NBEAL1: variants seen among roughly 807,000 people sequenced by gnomAD.
NBEAL1 encodes the protein neurobeachin-like protein 1.
Under a neutral mutation model 351.3 loss-of-function variants are expected in NBEAL1, and 273 were observed. That is an observed-to-expected ratio of 0.78 (90% confidence interval 0.70 to 0.86). NBEAL1 has a LOEUF of 0.86. Ranked by LOEUF, NBEAL1 falls within the 40% of genes least tolerant of loss-of-function variation. The pLI is 0.00. For missense variants in NBEAL1, 2,961 were observed against 3,201.3 expected (o/e 0.92, Z 1.81); for synonymous variants, 1,050 against 1,086.4 (o/e 0.97, Z 0.66).
intron 2 of NBEAL1, among the ~76,000 whole-genome samples, chr2:203,026,063 A>G (rs2060850843): frequency 1.3e-5 from 2 of 151,992 alleles, no homozygotes; most frequent in Non-Finnish European, 2.9e-5. Context: ...TTGTTTAGTT[A>G]TATTATCTTA....
chr2:203,053,327 A>G (rs1186863369), intron 4 of NBEAL1, among the ~76,000 whole-genome samples: 1 of 152,150 alleles, frequency 6.6e-6, no homozygotes, highest in Non-Finnish European at 1.5e-5. Flanking sequence ...ATGACAAAAG[A>G]TGTTCACCAT....
intron 45 of NBEAL1, among the ~76,000 whole-genome samples, chr2:203,190,003 G>A (rs929252552): frequency 6.6e-6 from 1 of 151,844 alleles, no homozygotes; most frequent in Non-Finnish European, 1.5e-5. Flanking sequence ...GGGCGTGGTG[G>A]CACGGACCTG....
chr2:203,106,046 A>G (rs956854351), intron 12 of NBEAL1, among the ~76,000 whole-genome samples: 1 of 152,124 alleles, frequency 6.6e-6, no homozygotes, highest in Non-Finnish European at 1.5e-5. Context: ...TGCTTCTTGT[A>G]TTCACTAACC....
At chr2:203,152,759 C>A (rs773209968) in intron 35 of NBEAL1, among the ~76,000 whole-genome samples, 1 of 151,936 alleles carries the variant, frequency 6.6e-6, no homozygotes, top group Non-Finnish European at 1.5e-5. Context: ...TCACTGGGCC[C>A]GGCACAGTGG....
At chr2:203,159,714 G>C (rs915571185) in intron 36 of NBEAL1, among the ~76,000 whole-genome samples, 45 of 152,072 alleles carry the variant, frequency 3.0e-4, no homozygotes, top group Admixed American at 7.9e-4. Flanking sequence ...ACAAGTTTTT[G>C]TGCAAACATA....
At chr2:203,060,530 A>G (rs1219545498) in intron 6 of NBEAL1, among the ~76,000 whole-genome samples, 1 of 152,198 alleles carries the variant, frequency 6.6e-6, no homozygotes, top group East Asian at 1.9e-4. Flanking sequence ...AATACATTTT[A>G]ATTCACCCAG....
At chr2:203,052,538 G>C (rs1479051470) in intron 4 of NBEAL1, 1 of 151,856 alleles carries the variant, frequency 6.6e-6, no homozygotes, top group Admixed American at 6.6e-5. Context: ...TGCATTTAAG[G>C]GTCCTCCATG....
At chr2:203,120,385 G>A (rs1458611222) in intron 18 of NBEAL1, among the ~76,000 whole-genome samples, 2 of 152,126 alleles carry the variant, frequency 1.3e-5, no homozygotes, top group African/African-American at 4.8e-5. Flanking sequence ...ATATTTCTTT[G>A]TTGGAATAAT....
At chr2:203,116,903 AC>A (rs1204426719) in intron 18 of NBEAL1, among the ~76,000 whole-genome samples, 2 of 151,796 alleles carry the variant, frequency 1.3e-5, no homozygotes, top group African/African-American at 4.8e-5. Context: ...GGAGTTCGAG[AC>A]CAACTTGGCC....
chr2:203,109,511 AAT>A, intron 14 of NBEAL1, among the ~76,000 whole-genome samples: 1 of 152,158 alleles, frequency 6.6e-6, no homozygotes, highest in East Asian at 1.9e-4. Flanking sequence ...ACTACTTTTT[AAT>A]ATGTCTTGTG....
intron 53 of NBEAL1, among the ~76,000 whole-genome samples, chr2:203,210,394 G>A (rs1207067974): frequency 2.0e-5 from 3 of 150,626 alleles, no homozygotes; most frequent in East Asian, 3.9e-4. Context: ...GGGCGCAGTG[G>A]CTCACGCCTG....
At chr2:203,172,651 T>G in intron 40 of NBEAL1, 78 bp from the exon 41 acceptor site, 1 of 1,282,096 alleles carries the variant, frequency 7.8e-7, no homozygotes, top group Non-Finnish European at 1.0e-6. Flanking sequence ...TGTCTTTAGA[T>G]AACCATTTGA....
chr2:203,124,805 T>G (rs1337842398), intron 19 of NBEAL1, among the ~76,000 whole-genome samples: 1 of 152,214 alleles, frequency 6.6e-6, no homozygotes, highest in Non-Finnish European at 1.5e-5. Flanking sequence ...TATCCTCATT[T>G]TACAGATGAA....
In NBEAL1 at chr2:203,144,801, T is replaced by C. The variant is rs775399888; in HGVS notation, c.5050T>C (p.Leu1684=). ...AATTTATGAGCTTCTCTTCATGAAC[T>C]TGCACCTACCTTCTTTACCTTTTAC... ...SKIYELLFMN[L]HLPSLPFTNG... The change falls in exon 32 of 56, where the codon TTG becomes CTG. Residue 1684 remains leucine (L), a synonymous_variant. Transcript: ENST00000683969. 3 of 1,614,090 alleles carry C rather than the reference T, an allele frequency of 1.9e-6. No homozygotes were observed. Among genetic ancestry groups the C allele is most frequent in the Non-Finnish European group, 8.5e-7 (1 of 1,179,956 alleles).
At chr2:203,106,791 G>A (rs1018968598) in intron 12 of NBEAL1, among the ~76,000 whole-genome samples, 1 of 152,078 alleles carries the variant, frequency 6.6e-6, no homozygotes, top group Non-Finnish European at 1.5e-5. Context: ...AGGTAATGGG[G>A]CACTTTAGTA....
rs1410441995 is a variant in NBEAL1 at position 203,126,555 on chromosome 2, AG to A, written c.2986del. 3.0e-5 allele frequency: 44 copies of A among 1,447,656 alleles called. No homozygotes were observed. The highest frequency in any genetic ancestry group is 3.8e-5 in the Non-Finnish European group (42 of 1,101,370). 89.7% of individuals were successfully genotyped at this position (1,447,656 alleles called of 1,614,324 possible). The stretch of plus-strand genomic sequence containing the variant: ...ATGAAACCCTCTTCTGTTTGGTTTC[AG>A]GTGCCAAGCACCTTGATGGATGTTA... On this transcript the variant is annotated splice_acceptor_variant, in intron 21 of 55. Coordinates refer to ENST00000683969, the MANE Select transcript of NBEAL1 (RefSeq NM_001378026.1). LOFTEE classifies it high-confidence loss of function.
chr2:203,052,960 A>T (rs1471664590), intron 4 of NBEAL1, among the ~76,000 whole-genome samples: 1 of 151,940 alleles, frequency 6.6e-6, no homozygotes, highest in South Asian at 2.1e-4. Context: ...GACATACCAC[A>T]GTTTGTTTAT....
intron 10 of NBEAL1, among the ~76,000 whole-genome samples, chr2:203,090,953 G>GAGAAAGGAAAGGA (rs1385465033): frequency 4.0e-5 from 6 of 151,632 alleles, no homozygotes; most frequent in Non-Finnish European, 5.9e-5. Flanking sequence ...GAAGGGAAGG[G>GAGAAAGGAAAGGA]AGAAAGGAAA....
intron 37 of NBEAL1, 74 bp from the exon 38 acceptor site, chr2:203,167,153 A>G: frequency 7.2e-7 from 1 of 1,384,088 alleles, no homozygotes; most frequent in Non-Finnish European, 9.8e-7. Flanking sequence ...TTTGTCAAGA[A>G]CTAAGAGGTA....
Sources: allele counts gnomAD v4.1 joint callset (sites outside exome capture counted in the v4.1 genomes callset), GRCh38; gene constraint gnomAD v4.1.1; transcripts MANE v1.5; gene names NCBI Gene and HGNC (gene_info 2026-07-23, HGNC 2026-07-21).